Variants in WDR93 observed in about 807,000 individuals in gnomAD.
WDR93 encodes the protein WD repeat-containing protein 93.
A neutral mutation model predicts 82.9 loss-of-function variants in WDR93; 73 were observed. That is an observed-to-expected ratio of 0.88 (90% CI 0.73 to 1.07). The LOEUF is 1.07. Ranked by LOEUF, WDR93 falls within the 50% of genes least tolerant of loss-of-function variation. The probability of loss-of-function intolerance (pLI) is 0.00; values close to 1 mark genes in which losing one functional copy is unlikely to be tolerated. For synonymous variants in WDR93, 283 were observed against 300.1 expected (o/e 0.94, Z 0.59); for missense variants, 738 against 826.0 (o/e 0.89, Z 1.31).
chr15:89,700,371 C>T (rs951225764), intron 1 of WDR93, among the ~76,000 whole-genome samples: 9 of 151,938 alleles, frequency 5.9e-5, no homozygotes, highest in East Asian at 1.9e-4. Context: ...GTACTCCAGC[C>T]GGTAAAAAAA....
chr15:89,694,248 C>CTTT (rs907842374), intron 1 of WDR93, among the ~76,000 whole-genome samples: 34 of 125,164 alleles, frequency 2.7e-4, no homozygotes, highest in African/African-American at 3.3e-4. Flanking sequence ...TGGGTTATTT[C>CTTT]TTTTTTTTTT....
intron 9 of WDR93, 64 bp from the exon 10 acceptor site, chr15:89,728,959 C>G: frequency 7.0e-7 from 1 of 1,436,430 alleles, no homozygotes; most frequent in Non-Finnish European, 9.8e-7. Context: ...GACCAAGACT[C>G]TGCCAGCAGC....
At chr15:89,690,911 A>T (rs1379590463) in intron 1 of WDR93, 54 bp downstream of exon 1, 1 of 420,774 alleles carries the variant, frequency 2.4e-6, no homozygotes, top group East Asian at 4.7e-5. Flanking sequence ...GAGTCCCAGG[A>T]CTCCCCTTTA....
chr15:89,738,200 C>T lies in WDR93; in HGVS notation c.1925C>T (p.Pro642Leu), dbSNP rs574276467. The T allele has an allele frequency of 6.2e-7, 1 of 1,613,630 alleles. No individual in the cohort carries two copies. Among genetic ancestry groups the T allele is most frequent in the Non-Finnish European group, 8.5e-7 (1 of 1,179,796 alleles). ...AACATGGCCTTCCCCCAAGCACTGCCACTGGAGAAGAGATGTGAGCGTTTC... is the reference window on the plus strand; with the variant it reads ...AACATGGCCTTCCCCCAAGCACTGCTACTGGAGAAGAGATGTGAGCGTTTC... ...LDNMAFPQAL[P>L]LEKRCERFLQ... Residue 642 changes from proline (P) to leucine (L), a missense_variant, in exon 16 of 17, where the codon CCA becomes CTA. Transcript: ENST00000268130.
intron 9 of WDR93, 104 bp from the exon 10 acceptor site, chr15:89,728,919 G>A: frequency 1.0e-6 from 1 of 983,932 alleles, no homozygotes. Flanking sequence ...CCCTGGGAAG[G>A]TCCATTCTAA....
rs373703505 is a variant in WDR93, at chr15:89,743,497, G to A, written c.*106G>A. The A allele has an allele frequency of 2.6e-4, 275 of 1,067,604 alleles. 5 individuals are homozygous for A. The South Asian group carries it at 3.2e-3, about 12-fold the overall frequency. The allele number at this position is 1,067,604 out of a possible 1,614,324, so 66.1% of individuals were successfully genotyped here. The stretch of plus-strand genomic sequence containing the variant: ...ATGTAACAGAGCCACAGCTCCACAG[G>A]CCTGCACTCGGAGTCTGGGGCCTCT... On this transcript the variant is annotated 3_prime_UTR_variant, in exon 17 of 17. Coordinates refer to ENST00000268130, the MANE Select transcript of WDR93 (RefSeq NM_020212.2).
rs139765893 is a variant in WDR93, at chr15:89,731,507, C to T, written c.1275C>T (p.Ser425=). 4 of 1,614,184 alleles carry T rather than the reference C, an allele frequency of 2.5e-6. No individual in the cohort carries two copies. The highest frequency in any genetic ancestry group is 3.4e-6 in the Non-Finnish European group (4 of 1,180,012). The change falls in exon 12 of 17, where the codon TCC becomes TCT. Residue 425 remains serine (S), a synonymous_variant. Transcript: ENST00000268130. The stretch of plus-strand genomic sequence containing the variant: ...TCTCTCAGCTCAGCTGCTCCTCCTC[C>T]TACCTGGTGCTGGCCTGCGAGGATG... The part of the protein sequence containing the change: ...IAVSQLSCSS[S]YLVLACEDGV...
At chr15:89,724,953 C>A (rs1966674179) in intron 8 of WDR93, among the ~76,000 whole-genome samples, 1 of 152,138 alleles carries the variant, frequency 6.6e-6, no homozygotes. Context: ...ACAGTATTTA[C>A]ACTGCTAGGT....
chr15:89,736,846 C>T (rs1450397546), intron 14 of WDR93, among the ~76,000 whole-genome samples: 26 of 149,180 alleles, frequency 1.7e-4, no homozygotes, highest in Admixed American at 4.7e-4. Context: ...GGCTGGAGTG[C>T]AGTGGTGCAA....
At chr15:89,735,191 G>A (rs1967063557) in intron 13 of WDR93, among the ~76,000 whole-genome samples, 1 of 152,062 alleles carries the variant, frequency 6.6e-6, no homozygotes, top group Non-Finnish European at 1.5e-5. Context: ...TTTTTCAATG[G>A]TATTTATTCT....
At chr15:89,718,450 G>A (rs1382368712) in intron 7 of WDR93, among the ~76,000 whole-genome samples, 1 of 151,702 alleles carries the variant, frequency 6.6e-6, no homozygotes, top group Non-Finnish European at 1.5e-5. Flanking sequence ...CTCCAGCCTG[G>A]GAGACAGCTG....
chr15:89,734,966 T>TTCCTTCCTTCCGTCCGTCCC, intron 13 of WDR93, among the ~76,000 whole-genome samples: 1 of 151,946 alleles, frequency 6.6e-6, no homozygotes, highest in Admixed American at 6.5e-5. Flanking sequence ...CTTGTCTTCC[T>TTCCTTCCTTCCGTCCGTCCC]TCCTTCCTTC....
rs890437011 is a variant in WDR93, at chr15:89,702,940, G to C, written c.304-10G>C. On this transcript the variant is annotated splice_polypyrimidine_tract_variant and intron_variant, in intron 2 of 16. Coordinates refer to ENST00000268130, the MANE Select transcript of WDR93 (RefSeq NM_020212.2). ...CAACTGAAAATAATATTTTTTCTTTGTTTTCCCAGCTCAACAAAATGCCAA... is the reference window on the plus strand; with the variant it reads ...CAACTGAAAATAATATTTTTTCTTTCTTTTCCCAGCTCAACAAAATGCCAA... 6.2e-7 allele frequency: 1 copy of C among 1,609,698 alleles called. No homozygotes were observed. Among genetic ancestry groups the C allele is most frequent in the South Asian group, 1.1e-5 (1 of 90,080 alleles).
intron 1 of WDR93, among the ~76,000 whole-genome samples, chr15:89,691,600 A>G (rs1964887343): frequency 6.6e-6 from 1 of 152,082 alleles, no homozygotes; most frequent in Non-Finnish European, 1.5e-5. Flanking sequence ...GGCGCCTGTA[A>G]TCCCAGCTAC....
chr15:89,714,262 C>G (rs1177059774), intron 5 of WDR93: 2 of 152,164 alleles, frequency 1.3e-5, no homozygotes, highest in African/African-American at 4.8e-5. Flanking sequence ...TATACTAAAA[C>G]TGGAACGATA....
intron 4 of WDR93, among the ~76,000 whole-genome samples, chr15:89,710,354 A>C (rs72752566): frequency 0.2 from 30,463 of 152,116 alleles, 3,258 homozygotes; most frequent in Middle Eastern, 0.3. Flanking sequence ...TCTAATTATG[A>C]AATTATATGA....
Position 89,729,660 on chromosome 15 carries a change from T to C in WDR93, c.1124-23T>C, listed in dbSNP as rs775388693. The C allele has an allele frequency of 5.6e-6, 9 of 1,602,554 alleles. 1 individual carries two copies. In the South Asian group the frequency reaches 9.9e-5, roughly 18 times the overall value. ...CCCCCTGTGTAACACCCATTTTCTG[T>C]CTTTCCCCCGCCCCCCCACCAGGAA... On this transcript the variant is annotated intron_variant, in intron 10 of 16. Coordinates refer to ENST00000268130, the MANE Select transcript of WDR93 (RefSeq NM_020212.2).
chr15:89,697,096 G>A (rs2141582706), intron 1 of WDR93, among the ~76,000 whole-genome samples: 1 of 152,206 alleles, frequency 6.6e-6, no homozygotes, highest in East Asian at 1.9e-4. Flanking sequence ...ACCTGGGACT[G>A]AGGTGCACGC....
chr15:89,720,840 C>A (rs921340069), intron 7 of WDR93, among the ~76,000 whole-genome samples: 1 of 152,134 alleles, frequency 6.6e-6, no homozygotes, highest in Non-Finnish European at 1.5e-5. Context: ...TCAAGTTTTT[C>A]TCCTTTCTGT....
Sources: allele counts gnomAD v4.1 joint callset (sites outside exome capture counted in the v4.1 genomes callset), GRCh38; gene constraint gnomAD v4.1.1; transcripts MANE v1.5; gene names NCBI Gene and HGNC (gene_info 2026-07-23, HGNC 2026-07-21).